The following MECOM variants were observed in gnomAD, a reference collection of about 807,000 sequenced individuals.
MECOM encodes the protein histone-lysine N-methyltransferase MECOM.
Under a neutral mutation model 116.3 loss-of-function variants are expected in MECOM, and 13 were observed. That is an observed-to-expected ratio of 0.11 (90% CI 0.07 to 0.18). MECOM has a LOEUF of 0.18. Ranked by LOEUF, MECOM falls within the 10% of genes least tolerant of loss-of-function variation. The pLI is 1.00. For synonymous variants in MECOM, 528 were observed against 535.2 expected (o/e 0.99, Z 0.19); for missense variants, 1,299 against 1,509.0 (o/e 0.86, Z 2.31).
chr3:169,439,743 A>G (rs2108603530), intron 1 of MECOM, among the ~76,000 whole-genome samples: 1 of 152,294 alleles, frequency 6.6e-6, no homozygotes, highest in Non-Finnish European at 1.5e-5. Flanking sequence ...ACTAGAAGAC[A>G]TGTTTGAGGC....
intron 1 of MECOM, among the ~76,000 whole-genome samples, chr3:169,398,518 A>G (rs575478340): frequency 4.6e-5 from 7 of 152,326 alleles, no homozygotes; most frequent in African/African-American, 1.2e-4. Flanking sequence ...CCTTCTTCAC[A>G]AAAATCAGCC....
At chr3:169,412,746 A>G (rs1737763413) in intron 1 of MECOM, among the ~76,000 whole-genome samples, 1 of 152,240 alleles carries the variant, frequency 6.6e-6, no homozygotes, top group South Asian at 2.1e-4. Context: ...TCTAAATAAT[A>G]TAATATAACT....
chr3:169,398,258 G>A (rs1037326684), intron 1 of MECOM, among the ~76,000 whole-genome samples: 6 of 152,036 alleles, frequency 3.9e-5, no homozygotes, highest in South Asian at 4.2e-4. Flanking sequence ...CTATATGCAC[G>A]AACATTAGTG....
chr3:169,183,920 A>T (rs1203755140), intron 2 of MECOM, among the ~76,000 whole-genome samples: 1 of 149,590 alleles, frequency 6.7e-6, no homozygotes, highest in Non-Finnish European at 1.5e-5. Flanking sequence ...GCTGGAGTGC[A>T]GTGGTGCGAT....
chr3:169,449,926 C>T (rs974186565), intron 1 of MECOM, among the ~76,000 whole-genome samples: 2 of 152,120 alleles, frequency 1.3e-5, no homozygotes, highest in African/African-American at 2.4e-5. Context: ...AGAAAGATTG[C>T]TGCTGTTTTA....
chr3:169,320,264 C>A (rs1395822278), intron 2 of MECOM, among the ~76,000 whole-genome samples: 1 of 152,150 alleles, frequency 6.6e-6, no homozygotes, highest in Non-Finnish European at 1.5e-5. Flanking sequence ...GTCATCCAAA[C>A]CAGATGTTTT....
intron 2 of MECOM, among the ~76,000 whole-genome samples, chr3:169,168,192 T>C (rs1743890033): frequency 6.6e-6 from 1 of 152,090 alleles, no homozygotes; most frequent in Admixed American, 6.6e-5. Flanking sequence ...TACAGTATAA[T>C]CTGTTTTTTG....
intron 1 of MECOM, among the ~76,000 whole-genome samples, chr3:169,637,116 C>G (rs1560520239): frequency 1.3e-5 from 2 of 152,148 alleles, no homozygotes; most frequent in Non-Finnish European, 2.9e-5. Flanking sequence ...TCCAGCAACC[C>G]AGCCACTGTG....
chr3:169,477,534 A>ACTCCT (rs1199282987), intron 1 of MECOM, among the ~76,000 whole-genome samples: 1 of 152,154 alleles, frequency 6.6e-6, no homozygotes, highest in Non-Finnish European at 1.5e-5. Context: ...GGCCAAGAGC[A>ACTCCT]CTTCTCTGTT....
intron 2 of MECOM, among the ~76,000 whole-genome samples, chr3:169,305,864 G>C (rs1717593302): frequency 6.6e-6 from 1 of 150,476 alleles, no homozygotes; most frequent in Non-Finnish European, 1.5e-5. Context: ...CCTTCCCAAT[G>C]ACTTACTTCA....
chr3:169,327,435 C>T (rs377513229), intron 2 of MECOM, among the ~76,000 whole-genome samples: 1 of 151,940 alleles, frequency 6.6e-6, no homozygotes, highest in African/African-American at 2.4e-5. Context: ...GTGAGGAGTT[C>T]GAGACCAGCC....
chr3:169,120,122 A>T (rs936019765), intron 7 of MECOM, among the ~76,000 whole-genome samples: 2 of 152,180 alleles, frequency 1.3e-5, no homozygotes, highest in Non-Finnish European at 2.9e-5. Context: ...AACCAATTCT[A>T]TGTGTATCTG....
intron 2 of MECOM, among the ~76,000 whole-genome samples, chr3:169,313,356 G>A (rs1237084409): frequency 6.6e-6 from 1 of 152,238 alleles, no homozygotes; most frequent in Non-Finnish European, 1.5e-5. Context: ...GGAGTGGTAA[G>A]TAGGGTCTAG....
intron 1 of MECOM, among the ~76,000 whole-genome samples, chr3:169,536,198 C>A (rs539742172): frequency 6.6e-5 from 10 of 152,146 alleles, no homozygotes; most frequent in African/African-American, 2.4e-4. Flanking sequence ...TAGGACAAAC[C>A]CCAACCTTCT....
intron 1 of MECOM, among the ~76,000 whole-genome samples, chr3:169,603,338 A>G (rs1768058426): frequency 6.6e-6 from 1 of 152,232 alleles, no homozygotes; most frequent in Non-Finnish European, 1.5e-5. Context: ...CAGTTGTACA[A>G]TGTATGTTTA....
rs1295481850 is a variant in MECOM, at chr3:169,378,523, A to C, written c.375+2664T>G. Among the ~76,000 whole-genome samples, 46 of 25,714 alleles carry C rather than the reference A, an allele frequency of 1.8e-3. 6 individuals are homozygous for C. The highest frequency in any genetic ancestry group is 2.8e-3 in the Non-Finnish European group (35 of 12,312). The allele number at this position is 25,714 out of a possible 152,430, so 16.9% of individuals were successfully genotyped here. A position where few individuals can be genotyped will look rare whatever the true frequency, so the allele number is the denominator to read the frequency against. The stretch of plus-strand genomic sequence containing the variant: ...AAAGAAAGAAAGAAAGAAAAGAAAG[A>C]AAGAAAGAAAGAAAGAAAGAAAGAA... On this transcript the variant is annotated intron_variant, in intron 2 of 16. Transcript: ENST00000651503.
chr3:169,635,504 C>T (rs1300947617), intron 1 of MECOM, among the ~76,000 whole-genome samples: 1 of 152,218 alleles, frequency 6.6e-6, no homozygotes, highest in African/African-American at 2.4e-5. Context: ...GGAGGTGGTT[C>T]TCCCCATTTC....
chr3:169,299,346 C>T (rs2149709921), intron 2 of MECOM, among the ~76,000 whole-genome samples: 1 of 152,318 alleles, frequency 6.6e-6, no homozygotes, highest in Non-Finnish European at 1.5e-5. Context: ...CACGCCAGAG[C>T]TCCTCAAGAT....
intron 2 of MECOM, among the ~76,000 whole-genome samples, chr3:169,226,086 C>T (rs1411769450): frequency 2.0e-5 from 3 of 152,320 alleles, no homozygotes; most frequent in Admixed American, 6.5e-5. Context: ...TTTCTGAGCA[C>T]GTCCCCATCT....
Sources: allele counts gnomAD v4.1 joint callset (sites outside exome capture counted in the v4.1 genomes callset), GRCh38; gene constraint gnomAD v4.1.1; transcripts MANE v1.5; gene names NCBI Gene and HGNC (gene_info 2026-07-23, HGNC 2026-07-21).